Variants in NRG3 observed in about 807,000 individuals in gnomAD.
NRG3 encodes the protein pro-neuregulin-3, membrane-bound isoform.
NRG3 carries 31 observed loss-of-function variants against 66.9 expected under a neutral mutation model. The observed-to-expected ratio is 0.46, with a 90% CI of 0.35 to 0.63. The LOEUF is 0.63. NRG3 is among the 20% of genes least tolerant of loss of function. The probability of loss-of-function intolerance (pLI) is 0.00; values close to 1 mark genes in which losing one functional copy is unlikely to be tolerated. For missense variants in NRG3, 910 were observed against 878.9 expected (o/e 1.04, Z -0.45); for synonymous variants, 393 against 359.4 (o/e 1.09, Z -1.06).
Position 82,985,740 on chromosome 10 carries a change from A to G in NRG3, c.*135A>G, listed in dbSNP as rs1853387620. 2.1e-6 allele frequency: 2 copies of G among 945,910 alleles called. No individual in the cohort carries two copies. Among genetic ancestry groups the G allele is most frequent in the East Asian group, 2.5e-5 (1 of 39,288 alleles). The allele number at this position is 945,910 out of a possible 1,614,324, so 58.6% of individuals were successfully genotyped here. On this transcript the variant is annotated 3_prime_UTR_variant, in exon 9 of 9. Transcript: ENST00000372141. ...CCAAATAGTCTATCGCCCTCATATC[A>G]TAGTGTTTTTTAACAAAATATTTTT...
intron 2 of NRG3, among the ~76,000 whole-genome samples, chr10:82,725,663 T>C (rs551753858): frequency 6.6e-6 from 1 of 152,310 alleles, no homozygotes; most frequent in African/African-American, 2.4e-5. Flanking sequence ...GTACACCTGT[T>C]CACATCTGAA....
intron 1 of NRG3, among the ~76,000 whole-genome samples, chr10:81,897,291 G>C (rs1843617026): frequency 6.6e-6 from 1 of 152,110 alleles, no homozygotes; most frequent in African/African-American, 2.4e-5. Flanking sequence ...CAGGGACCTA[G>C]GTAGGGGAAG....
At chr10:81,994,839 A>G (rs1052474569) in intron 1 of NRG3, among the ~76,000 whole-genome samples, 13 of 152,068 alleles carry the variant, frequency 8.5e-5, no homozygotes, top group Middle Eastern at 3.2e-3. Context: ...AATTATTGCC[A>G]TTATTTTAAT....
chr10:82,047,501 A>G (rs2133086493), intron 1 of NRG3, among the ~76,000 whole-genome samples: 1 of 152,160 alleles, frequency 6.6e-6, no homozygotes. Context: ...AGCCAAACTA[A>G]GCTTCATAAG....
In NRG3 at chr10:82,869,626, G is replaced by A. The variant is rs957169895; in HGVS notation, c.1054+4189G>A. Among the ~76,000 whole-genome samples, 397 of 42,006 alleles carry A rather than the reference G, an allele frequency of 9.5e-3. 3 individuals are homozygous for A. The highest frequency in any genetic ancestry group is 0.041 in the African/African-American group (382 of 9,392). The allele number at this position is 42,006 out of a possible 152,430, so 27.6% of individuals were successfully genotyped here. On this transcript the variant is annotated intron_variant, in intron 4 of 8. Transcript: ENST00000372141. ...ATTTTATTTTATTTTATTTTATTTT[G>A]AGACAGAGTTTCGCTCTGTCACCCA... is the stretch of plus-strand genomic sequence containing the variant.
At chr10:82,916,773 G>A (rs973878133) in intron 4 of NRG3, among the ~76,000 whole-genome samples, 3 of 151,920 alleles carry the variant, frequency 2.0e-5, no homozygotes, top group Non-Finnish European at 2.9e-5. Flanking sequence ...GTGCCACCAC[G>A]CCCAGCTAAT....
chr10:82,924,022 C>T (rs1346323592), intron 4 of NRG3, among the ~76,000 whole-genome samples: 1 of 146,444 alleles, frequency 6.8e-6, no homozygotes, highest in Non-Finnish European at 1.5e-5. Flanking sequence ...TGCTTGAAGC[C>T]AGGAGGCAGT....
intron 2 of NRG3, among the ~76,000 whole-genome samples, chr10:82,634,860 G>A (rs1368625393): frequency 6.6e-6 from 1 of 152,100 alleles, no homozygotes; most frequent in Non-Finnish European, 1.5e-5. Context: ...AAATTGTAGG[G>A]GTAGAAGACA....
At chr10:82,981,465 C>T (rs1852889279) in intron 8 of NRG3, among the ~76,000 whole-genome samples, 2 of 152,188 alleles carry the variant, frequency 1.3e-5, no homozygotes, top group Admixed American at 6.5e-5. Context: ...TCTCTCTGGA[C>T]TGGAAATGGG....
intron 2 of NRG3, among the ~76,000 whole-genome samples, chr10:82,574,961 C>A (rs1049477266): frequency 1.2e-4 from 18 of 151,568 alleles, no homozygotes; most frequent in African/African-American, 3.9e-4. Flanking sequence ...TCAATGGACA[C>A]AAAATTTCAG....
chr10:82,543,181 C>T (rs754440841), intron 2 of NRG3, among the ~76,000 whole-genome samples: 4 of 152,194 alleles, frequency 2.6e-5, no homozygotes, highest in Non-Finnish European at 4.4e-5. Context: ...CGGGAGCCAC[C>T]GTGCCCAGCC....
chr10:82,098,324 TATATATATGAC>T (rs2066502460), intron 1 of NRG3, among the ~76,000 whole-genome samples: 2 of 147,530 alleles, frequency 1.4e-5, no homozygotes, highest in Admixed American at 1.3e-4. Flanking sequence ...AGATGTCATC[TATATATATGAC>T]ATATATATAG....
At chr10:82,270,421 G>T (rs945348611) in intron 1 of NRG3, among the ~76,000 whole-genome samples, 1 of 151,950 alleles carries the variant, frequency 6.6e-6, no homozygotes, top group African/African-American at 2.4e-5. Flanking sequence ...AGGGTATTTG[G>T]GACTTTCCTT....
chr10:81,989,214 G>A (rs1249676534), intron 1 of NRG3, among the ~76,000 whole-genome samples: 2 of 152,068 alleles, frequency 1.3e-5, no homozygotes, highest in African/African-American at 2.4e-5. Context: ...TTGGATTGTG[G>A]AAAATTAAGG....
intron 1 of NRG3, among the ~76,000 whole-genome samples, chr10:81,900,040 C>T (rs932137749): frequency 1.3e-4 from 20 of 151,786 alleles, no homozygotes; most frequent in African/African-American, 4.1e-4. Context: ...CTCCGCCTCC[C>T]GTGTCCAAAT....
intron 6 of NRG3, among the ~76,000 whole-genome samples, chr10:82,963,083 T>G (rs1170322157): frequency 6.6e-6 from 1 of 152,110 alleles, no homozygotes; most frequent in East Asian, 1.9e-4. Flanking sequence ...CTTTATTATA[T>G]AGATACATTA....
At chr10:82,677,552 C>A (rs2053799437) in intron 2 of NRG3, among the ~76,000 whole-genome samples, 1 of 152,056 alleles carries the variant, frequency 6.6e-6, no homozygotes, top group Non-Finnish European at 1.5e-5. Flanking sequence ...TGGCCATTTT[C>A]TCCCTCTTTC....
intron 4 of NRG3, among the ~76,000 whole-genome samples, chr10:82,912,757 T>C (rs546299108): frequency 7.1e-4 from 108 of 152,274 alleles, no homozygotes; most frequent in African/African-American, 2.4e-3. Flanking sequence ...TGTTTTTTCA[T>C]TTTTGGATCT....
chr10:82,968,872 T>C (rs542844682), intron 6 of NRG3, among the ~76,000 whole-genome samples: 38 of 152,316 alleles, frequency 2.5e-4, no homozygotes, highest in Non-Finnish European at 4.4e-4. Flanking sequence ...CAGTTTCATA[T>C]GGCTGGTGAG....
Sources: allele counts gnomAD v4.1 joint callset (sites outside exome capture counted in the v4.1 genomes callset), GRCh38; gene constraint gnomAD v4.1.1; transcripts MANE v1.5; gene names NCBI Gene and HGNC (gene_info 2026-07-23, HGNC 2026-07-21).